The following EIF2AK1 variants were observed in gnomAD, a reference collection of about 807,000 sequenced individuals.
EIF2AK1 encodes the protein eukaryotic translation initiation factor 2-alpha kinase 1.
EIF2AK1 carries 54 observed loss-of-function variants against 77.9 expected under a neutral mutation model. That is an observed-to-expected ratio of 0.69 (90% CI 0.56 to 0.87). The LOEUF (loss-of-function observed/expected upper bound fraction) is 0.87, where lower values mean the gene tolerates loss of function less well. Among genes scored for constraint, EIF2AK1 ranks in the 40% least tolerant of loss-of-function variants. EIF2AK1 has a pLI of 0.00. For missense variants in EIF2AK1, 810 were observed against 768.6 expected (o/e 1.05, Z -0.64); for synonymous variants, 314 against 290.5 (o/e 1.08, Z -0.82).
intron 6 of EIF2AK1, among the ~76,000 whole-genome samples, chr7:6,045,315 AGGCT>A (rs573299075): frequency 9.9e-5 from 15 of 152,162 alleles, no homozygotes; most frequent in African/African-American, 3.6e-4. Context: ...TATGTTGGCC[AGGCT>A]GGTCTCACAC....
chr7:6,054,841 T>C lies in EIF2AK1; in HGVS notation c.119-137A>G, dbSNP rs1396111355. On this transcript the variant is annotated intron_variant, in intron 1 of 14. Coordinates refer to ENST00000199389, the MANE Select transcript of EIF2AK1 (RefSeq NM_014413.4). ...AAACCAAAAGAATAGTTATGCTGAG[T>C]TGGGTTAATCAAGAAAGGCTTTCTG... The C allele has an allele frequency of 1.1e-5, 10 of 922,960 alleles. No individual in the cohort carries two copies. The East Asian group carries it at 2.1e-4, about 20-fold the overall frequency. 57.2% of individuals were successfully genotyped at this position (922,960 alleles called of 1,614,324 possible).
At chr7:6,034,361 G>C (rs1583481811) in intron 11 of EIF2AK1, among the ~76,000 whole-genome samples, 1 of 152,084 alleles carries the variant, frequency 6.6e-6, no homozygotes, top group Non-Finnish European at 1.5e-5. Flanking sequence ...TGCTCCAGAA[G>C]AACCCACCTG....
In EIF2AK1 at chr7:6,022,862, A is replaced by T. The variant is rs1787531389; in HGVS notation, c.*1811T>A. ...ATGTTATGTATTGACTATCCCACAGATGTATGCCTCTTCTGGTTTATGTTG... is the reference window on the plus strand; with the variant it reads ...ATGTTATGTATTGACTATCCCACAGTTGTATGCCTCTTCTGGTTTATGTTG... On this transcript the variant is annotated 3_prime_UTR_variant, in exon 15 of 15. Coordinates refer to ENST00000199389, the MANE Select transcript of EIF2AK1 (RefSeq NM_014413.4). 6.0e-6 allele frequency: 1 copy of T among 167,136 alleles called. No homozygotes were observed. The allele number at this position is 167,136 out of a possible 1,614,324, so 10.4% of individuals were successfully genotyped here.
chr7:6,032,348 G>A lies in EIF2AK1; in HGVS notation c.1333-3316C>T, dbSNP rs191294373. Among the ~76,000 whole-genome samples the A allele has an allele frequency of 1.4e-4, 22 of 152,326 alleles. No individual in the cohort carries two copies. The highest frequency in any genetic ancestry group is 1.2e-3 in the Admixed American group (18 of 15,296). On this transcript the variant is annotated intron_variant, in intron 11 of 14. Transcript: ENST00000199389. The surrounding 1 kb of genome is among the most constrained non-coding windows in gnomAD (Gnocchi z 4.3). ...GTGTGAAACCACTACTTACACGTGTGTATTTTAAGAGCTGGCACAAACAGC... is the reference window on the plus strand; with the variant it reads ...GTGTGAAACCACTACTTACACGTGTATATTTTAAGAGCTGGCACAAACAGC...
chr7:6,036,445 G>A lies in EIF2AK1; in HGVS notation c.1332+979C>T. On this transcript the variant is annotated intron_variant, in intron 11 of 14. Transcript: ENST00000199389. This position sits in a 1 kb window ranked among gnomAD's most constrained non-coding sequence, Gnocchi z 4.6. ...TTCAGCCACTCAAACTGCATTTTCTGGCTAGACATGTCCCAGAAAATGCTT... is the reference window on the plus strand; with the variant it reads ...TTCAGCCACTCAAACTGCATTTTCTAGCTAGACATGTCCCAGAAAATGCTT... 7.9e-7 allele frequency: 1 copy of A among 1,264,226 alleles called. No homozygotes were observed. Among genetic ancestry groups the A allele is most frequent in the Non-Finnish European group, 1.1e-6 (1 of 952,280 alleles). The allele number at this position is 1,264,226 out of a possible 1,614,324, so 78.3% of individuals were successfully genotyped here.
rs1787613502 is a variant in EIF2AK1, at chr7:6,023,547, A to G, written c.*1126T>C. 2 of 1,614,180 alleles carry G rather than the reference A, an allele frequency of 1.2e-6. No homozygotes were observed. Among genetic ancestry groups the G allele is most frequent in the Non-Finnish European group, 1.7e-6 (2 of 1,180,036 alleles). On this transcript the variant is annotated 3_prime_UTR_variant, in exon 15 of 15. Coordinates refer to ENST00000199389, the MANE Select transcript of EIF2AK1 (RefSeq NM_014413.4). ...AGAGCCCTTGGCTCGCTGGGAATGA[A>G]CTCACCGTAGCAGACGTGGTGCTGT... is the stretch of plus-strand genomic sequence containing the variant.
Position 6,054,768 on chromosome 7 carries a change from G to A in EIF2AK1, c.119-64C>T, listed in dbSNP as rs73675816. 6.8e-3 allele frequency: 9,564 copies of A among 1,414,500 alleles called. 500 individuals carry two copies. In the African/African-American group the frequency reaches 0.12, roughly 18 times the overall value. The allele number at this position is 1,414,500 out of a possible 1,614,324, so 87.6% of individuals were successfully genotyped here. On this transcript the variant is annotated intron_variant, in intron 1 of 14. Coordinates refer to ENST00000199389, the MANE Select transcript of EIF2AK1 (RefSeq NM_014413.4). ...AAACCTGTCTCATAATGACAAAACC[G>A]TATATTCTAATTAATGAAACATGAA...
chr7:6,040,353 T>C (rs1788261254), intron 9 of EIF2AK1, among the ~76,000 whole-genome samples: 1 of 152,110 alleles, frequency 6.6e-6, no homozygotes, highest in African/African-American at 2.4e-5. Flanking sequence ...ACACCCGGCC[T>C]AATGTTCATG....
chr7:6,050,689 G>A lies in EIF2AK1; in HGVS notation c.278-644C>T, dbSNP rs541333771. ...GCGATCTCGGCTCACTGCAAGCTCT[G>A]CCTCCCGGGTTCATGCCATTCTCCT... On this transcript the variant is annotated intron_variant, in intron 2 of 14. Coordinates refer to ENST00000199389, the MANE Select transcript of EIF2AK1 (RefSeq NM_014413.4). Among the ~76,000 whole-genome samples, 20 of 143,692 alleles carry A rather than the reference G, an allele frequency of 1.4e-4. No homozygotes were observed. The East Asian group carries it at 4.0e-3, about 29-fold the overall frequency. 94.3% of individuals were successfully genotyped at this position (143,692 alleles called of 152,430 possible).
chr7:6,045,785 A>C (rs1788430502), intron 6 of EIF2AK1, among the ~76,000 whole-genome samples: 1 of 149,578 alleles, frequency 6.7e-6, no homozygotes, highest in Non-Finnish European at 1.5e-5. Context: ...GATGCCTGTA[A>C]TCCCAGCTAC....
intron 2 of EIF2AK1, among the ~76,000 whole-genome samples, chr7:6,051,912 C>A (rs1788616306): frequency 6.6e-6 from 1 of 152,068 alleles, no homozygotes; most frequent in African/African-American, 2.4e-5. Context: ...GTGGCTCACA[C>A]CTGTAATCCC....
chr7:6,035,970 G>C lies in EIF2AK1; in HGVS notation c.1332+1454C>G, dbSNP rs1219580206. On this transcript the variant is annotated intron_variant, in intron 11 of 14. Coordinates refer to ENST00000199389, the MANE Select transcript of EIF2AK1 (RefSeq NM_014413.4). This position sits in a 1 kb window ranked among gnomAD's most constrained non-coding sequence, Gnocchi z 5.5. The stretch of plus-strand genomic sequence containing the variant: ...CGCCCAGGACTACAAGGGCCAAACA[G>C]CCATCCATGAGGCATGCTTTGGAGG... 15 of 1,550,232 alleles carry C rather than the reference G, an allele frequency of 9.7e-6. No individual in the cohort carries two copies. The highest frequency in any genetic ancestry group is 1.2e-5 in the South Asian group (1 of 83,990).
chr7:6,026,825 T>C lies in EIF2AK1; in HGVS notation c.1667A>G (p.Gln556Arg). Reference sequence around the variant, plus strand: ...CGTTAAGTGCTGGATATACTTGGCTTGCACTGGACACCTTTTACGGAGGGA... The same window carrying C: ...CGTTAAGTGCTGGATATACTTGGCTCGCACTGGACACCTTTTACGGAGGGA... ...PESLRKRCPV[Q>R]AKYIQHLTRR... is the part of the protein sequence containing the mutation. The change falls in exon 14 of 15, where the codon CAA becomes CGA. Residue 556 changes from glutamine to arginine, a missense_variant. Gln to Arg is a conservative substitution (Grantham distance 43, BLOSUM62 1). Transcript: ENST00000199389. 1 of 1,614,212 alleles carries C rather than the reference T, an allele frequency of 6.2e-7. No homozygotes were observed. Among genetic ancestry groups the C allele is most frequent in the Non-Finnish European group, 8.5e-7 (1 of 1,180,046 alleles).
chr7:6,053,097 T>C (rs991393476), intron 2 of EIF2AK1, among the ~76,000 whole-genome samples: 3 of 152,224 alleles, frequency 2.0e-5, no homozygotes, highest in African/African-American at 2.4e-5. Context: ...GTAAGCTGAA[T>C]TGAAGTAGGG....
In EIF2AK1 at chr7:6,028,932, T is replaced by A. The variant is rs1290104085; in HGVS notation, c.1433A>T (p.Asn478Ile). 1.3e-6 allele frequency: 2 copies of A among 1,599,282 alleles called. No individual in the cohort carries two copies. The highest frequency in any genetic ancestry group is 2.7e-5 in the African/African-American group (2 of 73,794). Residue 478 changes from asparagine to isoleucine, a missense_variant, in exon 12 of 15, where the codon AAC (asparagine) becomes ATC (isoleucine). Physicochemically the swap from Asn to Ile is moderately radical, Grantham distance 149. Transcript: ENST00000199389. The part of the protein sequence containing the change: ...DILQKNTDWT[N>I]RNGKRTPTHT... ...CAAAAACTTACTCTTCCCGTTTCTGTTGGTCCAGTCTGTGTTCTTCTGTAG... is the reference window on the plus strand; with the variant it reads ...CAAAAACTTACTCTTCCCGTTTCTGATGGTCCAGTCTGTGTTCTTCTGTAG...
At position 6,058,972 on chromosome 7, in the gene EIF2AK1, A is replaced by G; in HGVS notation, c.112T>C (p.Tyr38His). The G allele has an allele frequency of 6.5e-7, 1 of 1,536,336 alleles. No homozygotes were observed. The highest frequency in any genetic ancestry group is 8.7e-7 in the Non-Finnish European group (1 of 1,144,134). Reference protein sequence around the residue: ...DFPAEGPDPEYDESDVPAEIQ... With the variant: ...DFPAEGPDPEHDESDVPAEIQ... The stretch of plus-strand genomic sequence containing the variant: ...CCGCGATCCGATCCCTCACCGTCAT[A>G]TTCGGGGTCCGGGCCCTCGGCGGGA... Residue 38 changes from tyrosine (Y) to histidine (H), a missense_variant, in exon 1 of 15, where the codon TAT (tyrosine) becomes CAT (histidine). This residue lies in a region of EIF2AK1 where 246 missense variants were observed against 199.0 expected (regional missense o/e 1.24). Coordinates refer to ENST00000199389, the MANE Select transcript of EIF2AK1 (RefSeq NM_014413.4).
chr7:6,046,231 A>AAG, intron 5 of EIF2AK1, 80 bp from the exon 6 acceptor site: 1 of 760,418 alleles, frequency 1.3e-6, no homozygotes, highest in Non-Finnish European at 2.0e-6. Flanking sequence ...ATCTGAGCTT[A>AAG]GACAATCCAA....
At chr7:6,046,448 T>A (rs1788446518) in intron 5 of EIF2AK1, 1 of 194,224 alleles carries the variant, frequency 5.1e-6, no homozygotes, top group Non-Finnish European at 1.0e-5. Flanking sequence ...TTAATTAAAA[T>A]TAACTATAGG....
chr7:6,045,357 T>C (rs1192239267), intron 6 of EIF2AK1, among the ~76,000 whole-genome samples: 2 of 152,084 alleles, frequency 1.3e-5, no homozygotes, highest in East Asian at 3.9e-4. Flanking sequence ...CTGCCTGCCT[T>C]CGCCTCCCAA....
Sources: gnomAD v4.1 joint callset for allele counts (sites outside exome capture counted in the v4.1 genomes callset) on GRCh38, gnomAD v4.1.1 for gene constraint, gnomAD v4.1.1 regional missense constraint, Gnocchi (gnomAD v3.1) non-coding constraint, MANE v1.5 for transcripts, NCBI Gene and HGNC (gene_info 2026-07-23, HGNC 2026-07-21) for gene names.